AGFG1: variants seen among roughly 807,000 people sequenced by gnomAD.
The protein encoded by AGFG1 is ArfGAP with FG repeats 1, also known as arf-GAP domain and FG repeat-containing protein 1.
Under a neutral mutation model 60.6 loss-of-function variants are expected in AGFG1, and 10 were observed. That is an observed-to-expected ratio of 0.16 (90% CI 0.10 to 0.28). AGFG1 has a LOEUF of 0.28. AGFG1 is among the 10% of genes least tolerant of loss of function. The pLI, the probability that AGFG1 is intolerant of heterozygous loss-of-function variation, is 1.00. For synonymous variants in AGFG1, 247 were observed against 242.9 expected (o/e 1.02, Z -0.16); for missense variants, 537 against 676.5 (o/e 0.79, Z 2.29).
chr2:227,524,742 A>G lies in AGFG1; in HGVS notation c.541-20A>G, dbSNP rs1477622056. 1 of 1,612,220 alleles carries G rather than the reference A, an allele frequency of 6.2e-7. No individual in the cohort carries two copies. The highest frequency in any genetic ancestry group is 1.7e-5 in the Admixed American group (1 of 59,836). Reference sequence around the variant, plus strand: ...GCAGATCCGACTGGAATATCTTTATAGTTAATATGTGGTTTGTAGTCCCCA... The same window carrying G: ...GCAGATCCGACTGGAATATCTTTATGGTTAATATGTGGTTTGTAGTCCCCA... On this transcript the variant is annotated intron_variant, in intron 4 of 12. Coordinates refer to ENST00000310078, the MANE Select transcript of AGFG1 (RefSeq NM_004504.5).
intron 10 of AGFG1, among the ~76,000 whole-genome samples, chr2:227,544,259 A>G (rs1444115749): frequency 7.1e-6 from 1 of 140,524 alleles, no homozygotes; most frequent in Non-Finnish European, 1.5e-5. Flanking sequence ...GGTTCACGCC[A>G]TTCTCCTGCC....
intron 5 of AGFG1, among the ~76,000 whole-genome samples, chr2:227,525,876 G>A (rs138221102): frequency 7.9e-5 from 12 of 152,260 alleles, no homozygotes; most frequent in African/African-American, 2.6e-4. Context: ...CTCAGTACCC[G>A]AGTCCATTGC....
In AGFG1 at chr2:227,479,540, A is replaced by G. The variant is rs183866143; in HGVS notation, c.167+6952A>G. Among the ~76,000 whole-genome samples, 315 of 152,326 alleles carry G rather than the reference A, an allele frequency of 2.1e-3. 2 individuals are homozygous for G. The highest frequency in any genetic ancestry group is 7.4e-3 in the African/African-American group (306 of 41,562). Reference sequence around the variant, plus strand: ...CTGTTCCAATAGCATTCTTTGGAAAACAGGCAAATCTCCTTATTTGATATT... The same window carrying G: ...CTGTTCCAATAGCATTCTTTGGAAAGCAGGCAAATCTCCTTATTTGATATT... On this transcript the variant is annotated intron_variant, in intron 1 of 12. Coordinates refer to ENST00000310078, the MANE Select transcript of AGFG1 (RefSeq NM_004504.5).
intron 3 of AGFG1, among the ~76,000 whole-genome samples, chr2:227,520,641 A>G (rs1357890496): frequency 6.6e-6 from 1 of 152,216 alleles, no homozygotes; most frequent in Non-Finnish European, 1.5e-5. Context: ...CAGGTTGTAC[A>G]TATAGCTAGT....
At position 227,524,735 on chromosome 2, in the gene AGFG1, T is replaced by G. The variant is rs367965065; in HGVS notation, c.541-27T>G. 3.7e-6 allele frequency: 6 copies of G among 1,611,566 alleles called. No individual in the cohort carries two copies. The African/African-American group carries it at 5.3e-5, about 14-fold the overall frequency. ...AGATTTTGCAGATCCGACTGGAATA[T>G]CTTTATAGTTAATATGTGGTTTGTA... is the stretch of plus-strand genomic sequence containing the variant. On this transcript the variant is annotated intron_variant, in intron 4 of 12. Transcript: ENST00000310078.
intron 2 of AGFG1, among the ~76,000 whole-genome samples, chr2:227,498,756 C>T (rs1335984878): frequency 6.6e-6 from 1 of 152,150 alleles, no homozygotes; most frequent in Non-Finnish European, 1.5e-5. Flanking sequence ...ATAGAAGAAG[C>T]TAGATGTTGT....
chr2:227,481,654 G>A (rs914565711), intron 1 of AGFG1, among the ~76,000 whole-genome samples: 1 of 152,042 alleles, frequency 6.6e-6, no homozygotes, highest in Non-Finnish European at 1.5e-5. Context: ...CTTGTTCTCT[G>A]ACGCTCTGTT....
rs1308314899 is a variant in AGFG1, at chr2:227,560,497, A to G, written c.*6002A>G. On this transcript the variant is annotated 3_prime_UTR_variant, in exon 13 of 13. Coordinates refer to ENST00000310078, the MANE Select transcript of AGFG1 (RefSeq NM_004504.5). Reference sequence around the variant, plus strand: ...TTAAATTAAACTGTTAAGACAGTCCATTGAAAGATTGTGGAAGTTCACATC... The same window carrying G: ...TTAAATTAAACTGTTAAGACAGTCCGTTGAAAGATTGTGGAAGTTCACATC... 1 of 152,156 alleles carries G rather than the reference A, an allele frequency of 6.6e-6. No individual in the cohort carries two copies. The highest frequency in any genetic ancestry group is 1.5e-5 in the Non-Finnish European group (1 of 67,976). 9.4% of individuals were successfully genotyped at this position (152,156 alleles called of 1,614,324 possible). A position where few individuals can be genotyped will look rare whatever the true frequency, so the allele number is the denominator to read the frequency against.
chr2:227,549,517 T>C (rs145560612), intron 10 of AGFG1, among the ~76,000 whole-genome samples: 2 of 152,374 alleles, frequency 1.3e-5, no homozygotes, highest in African/African-American at 4.8e-5. Context: ...TAAATACCGC[T>C]TACCTTTCTC....
intron 10 of AGFG1, among the ~76,000 whole-genome samples, chr2:227,537,294 G>T (rs1378425729): frequency 2.0e-5 from 3 of 152,160 alleles, no homozygotes; most frequent in Non-Finnish European, 1.5e-5. Context: ...ACAGAGATAG[G>T]ACTTGAACAG....
At chr2:227,546,494 C>T (rs1359644633) in intron 10 of AGFG1, among the ~76,000 whole-genome samples, 2 of 152,236 alleles carry the variant, frequency 1.3e-5, no homozygotes, top group South Asian at 2.1e-4. Context: ...GCTACACCCA[C>T]TGTCCAACCA....
intron 2 of AGFG1, among the ~76,000 whole-genome samples, chr2:227,496,110 C>CAAAAAA (rs748201686): frequency 2.7e-5 from 1 of 37,298 alleles, no homozygotes; most frequent in Non-Finnish European, 5.4e-5. Context: ...GAGACTGTCT[C>CAAAAAA]AAAAAAAAAA....
At chr2:227,484,677 G>GTTTTTTTTTTTTTT (rs34405103) in intron 1 of AGFG1, among the ~76,000 whole-genome samples, 2 of 115,906 alleles carry the variant, frequency 1.7e-5, no homozygotes, top group African/African-American at 6.7e-5. Context: ...AGATCTCTTA[G>GTTTTTTTTTTTTTT]TTTTTTTTTT....
intron 10 of AGFG1, among the ~76,000 whole-genome samples, chr2:227,544,135 C>CCAT (rs1445411912): frequency 7.0e-6 from 1 of 143,614 alleles, no homozygotes; most frequent in African/African-American, 2.5e-5. Flanking sequence ...ATCCAATTTG[C>CCAT]CATTCTGTGT....
At chr2:227,550,770 C>T (rs935144951) in intron 10 of AGFG1, among the ~76,000 whole-genome samples, 1 of 151,956 alleles carries the variant, frequency 6.6e-6, no homozygotes, top group African/African-American at 2.4e-5. Context: ...AAAGACATTC[C>T]GTGTAATATT....
At chr2:227,508,447 C>T (rs1691392264) in intron 2 of AGFG1, 4 of 295,444 alleles carry the variant, frequency 1.4e-5, no homozygotes, top group South Asian at 9.6e-5. Flanking sequence ...TAGCCCTCTT[C>T]TGCTACTCCC....
rs570523784 is a variant in AGFG1, at chr2:227,547,442, A to T, written c.1379-4517A>T. 3.3e-5 allele frequency among the ~76,000 whole-genome samples: 5 copies of T among 152,230 alleles called. No individual in the cohort carries two copies. The East Asian group carries it at 9.6e-4, about 29-fold the overall frequency. On this transcript the variant is annotated intron_variant, in intron 10 of 12. Coordinates refer to ENST00000310078, the MANE Select transcript of AGFG1 (RefSeq NM_004504.5). ...GAGCCAGAAATGAAAATTGTTGCCA[A>T]TGTGGTAATCAAAACAAGAAAGACA... is the stretch of plus-strand genomic sequence containing the variant.
intron 5 of AGFG1, among the ~76,000 whole-genome samples, chr2:227,530,038 G>T (rs1319166851): frequency 6.6e-6 from 1 of 152,060 alleles, no homozygotes; most frequent in African/African-American, 2.4e-5. Flanking sequence ...GCTAGTTTGC[G>T]TCCTATGATC....
intron 2 of AGFG1, among the ~76,000 whole-genome samples, chr2:227,500,165 A>C (rs1691110802): frequency 6.6e-6 from 1 of 152,168 alleles, no homozygotes; most frequent in Non-Finnish European, 1.5e-5. Context: ...AATGATGTTT[A>C]AGGTTTGGGT....
Sources: gnomAD v4.1 joint callset for allele counts (sites outside exome capture counted in the v4.1 genomes callset) on GRCh38, gnomAD v4.1.1 for gene constraint, MANE v1.5 for transcripts, NCBI Gene and HGNC (gene_info 2026-07-23, HGNC 2026-07-21) for gene names.